MPPED1: variants seen among roughly 807,000 people sequenced by gnomAD.
MPPED1 encodes the protein metallophosphoesterase domain-containing protein 1.
A neutral mutation model predicts 36.2 loss-of-function variants in MPPED1; 16 were observed. The observed-to-expected ratio is 0.44, with a 90% CI of 0.30 to 0.67. MPPED1 has a LOEUF of 0.67. Ranked by LOEUF, MPPED1 falls within the 30% of genes least tolerant of loss-of-function variation. MPPED1 has a pLI of 0.10. For synonymous variants in MPPED1, 199 were observed against 191.3 expected (o/e 1.04, Z -0.33); for missense variants, 307 against 453.4 (o/e 0.68, Z 2.93).
chr22:43,476,098 G>T (rs1011996428), intron 4 of MPPED1, among the ~76,000 whole-genome samples: 60 of 151,542 alleles, frequency 4.0e-4, no homozygotes, highest in African/African-American at 1.4e-3. Context: ...GATGATGATG[G>T]TGATGGCAGG....
intron 4 of MPPED1, 88 bp from the exon 5 acceptor site, chr22:43,498,147 C>A (rs1932491831): frequency 3.9e-6 from 4 of 1,020,202 alleles, no homozygotes; most frequent in Admixed American, 2.3e-5. Flanking sequence ...GTCCTGAGGG[C>A]CCCCTGGCCC....
At chr22:43,503,787 C>T (rs773451653) in intron 6 of MPPED1, among the ~76,000 whole-genome samples, 1 of 152,196 alleles carries the variant, frequency 6.6e-6, no homozygotes, top group Non-Finnish European at 1.5e-5. Flanking sequence ...GGGCATGTAG[C>T]TCCATCAGAT....
At chr22:43,490,961 C>T (rs1367274107) in intron 4 of MPPED1, among the ~76,000 whole-genome samples, 1 of 151,486 alleles carries the variant, frequency 6.6e-6, no homozygotes, top group African/African-American at 2.4e-5. Flanking sequence ...GTCGGCTCTT[C>T]TCCACTAGGA....
chr22:43,495,867 A>T (rs1282303069), intron 4 of MPPED1, among the ~76,000 whole-genome samples: 1 of 10,380 alleles, frequency 9.6e-5, no homozygotes, highest in Non-Finnish European at 2.5e-4. Flanking sequence ...GTGGTGGTGG[A>T]GATGGTGGTG....
Position 43,425,141 on chromosome 22 carries a change from C to T in MPPED1, c.156C>T (p.Ser52=). The T allele has an allele frequency of 6.2e-7, 1 of 1,613,482 alleles. No individual in the cohort carries two copies. The highest frequency in any genetic ancestry group is 8.5e-7 in the Non-Finnish European group (1 of 1,179,636). ...RLIIEVDEYS[S]NPTQAFTFYN... is the part of the protein sequence containing the mutation. ...TCATCGAGGTGGACGAGTACAGCTC[C>T]AACCCCACCCAGGCCTTCACCTTCT... The change falls in exon 2 of 7, where the codon TCC becomes TCT. Residue 52 remains serine, a synonymous_variant. Coordinates refer to ENST00000443721, the MANE Select transcript of MPPED1 (RefSeq NM_001044370.2).
chr22:43,443,102 G>A (rs202139486), intron 3 of MPPED1, among the ~76,000 whole-genome samples: 1 of 152,192 alleles, frequency 6.6e-6, no homozygotes, highest in East Asian at 1.9e-4. Flanking sequence ...TCAATGCACA[G>A]GGTAGGCTGG....
At chr22:43,422,494 G>A (rs1176929554) in intron 1 of MPPED1, among the ~76,000 whole-genome samples, 1 of 152,144 alleles carries the variant, frequency 6.6e-6, no homozygotes, top group African/African-American at 2.4e-5. Flanking sequence ...TTATGGTCAA[G>A]GGATTTTATC....
chr22:43,494,714 T>TGGTGGAGGTAGTGGTGGTGGA, intron 4 of MPPED1, among the ~76,000 whole-genome samples: 1 of 150,338 alleles, frequency 6.7e-6, no homozygotes, highest in African/African-American at 2.4e-5. Context: ...GTGGTGGTGG[T>TGGTGGAGGTAGTGGTGGTGGA]GGTGGTGGTG....
chr22:43,429,365 C>G (rs1174099181), intron 2 of MPPED1, among the ~76,000 whole-genome samples: 3 of 152,218 alleles, frequency 2.0e-5, no homozygotes, highest in Non-Finnish European at 4.4e-5. Context: ...AGGACTCACA[C>G]CCCGGCACTG....
At chr22:43,432,290 GGA>G (rs1171772616) in intron 2 of MPPED1, among the ~76,000 whole-genome samples, 21 of 149,076 alleles carry the variant, frequency 1.4e-4, no homozygotes, top group African/African-American at 4.2e-4. Context: ...GAGAAAGGGA[GGA>G]GAGAGAGGGA....
chr22:43,440,006 G>A lies in MPPED1; in HGVS notation c.406+4791G>A, dbSNP rs1052555843. On this transcript the variant is annotated intron_variant, in intron 3 of 6. Coordinates refer to ENST00000443721, the MANE Select transcript of MPPED1 (RefSeq NM_001044370.2). ...GTGGCTCTCGCCTTGCGGCGGGGGC[G>A]TGTCTCCTACCTCCACTGTCAGCCC... 7.9e-5 allele frequency among the ~76,000 whole-genome samples: 12 copies of A among 152,218 alleles called. No individual in the cohort carries two copies. The South Asian group carries it at 1.2e-3, about 16-fold the overall frequency.
intron 2 of MPPED1, among the ~76,000 whole-genome samples, chr22:43,432,375 AAGGG>A (rs1440293810): frequency 8.1e-6 from 1 of 123,544 alleles, no homozygotes. Flanking sequence ...GGGAGAGAGA[AAGGG>A]AGGAGAGAGA....
At chr22:43,499,970 G>A (rs1160826525) in intron 5 of MPPED1, among the ~76,000 whole-genome samples, 1 of 120,232 alleles carries the variant, frequency 8.3e-6, no homozygotes. Context: ...AGGTGGTGAT[G>A]GGGGTGGTGG....
At chr22:43,488,466 G>A (rs1174735504) in intron 4 of MPPED1, among the ~76,000 whole-genome samples, 2 of 152,166 alleles carry the variant, frequency 1.3e-5, no homozygotes, top group Non-Finnish European at 2.9e-5. Flanking sequence ...TGGAATTCAC[G>A]CTTCAGCAGG....
In MPPED1 at chr22:43,450,370, C is replaced by T. The variant is rs146823443; in HGVS notation, c.406+15155C>T. On this transcript the variant is annotated intron_variant, in intron 3 of 6. Transcript: ENST00000443721. ...CAGTGTCTTCACCTAAAAAATGGGGCGACACACTTGCTTTGGAGGGCTGTT... is the reference window on the plus strand; with the variant it reads ...CAGTGTCTTCACCTAAAAAATGGGGTGACACACTTGCTTTGGAGGGCTGTT... 3.1e-3 allele frequency among the ~76,000 whole-genome samples: 476 copies of T among 152,300 alleles called. 3 individuals are homozygous for T. Among genetic ancestry groups the T allele is most frequent in the African/African-American group, 0.01 (430 of 41,572 alleles).
chr22:43,474,798 G>A lies in MPPED1; in HGVS notation c.469G>A (p.Glu157Lys). 1 of 1,614,084 alleles carries A rather than the reference G, an allele frequency of 6.2e-7. No individual in the cohort carries two copies. The highest frequency in any genetic ancestry group is 8.5e-7 in the Non-Finnish European group (1 of 1,179,912). ...AGNHELTFDQEFMADLIKQDF... is the reference protein window; with the variant it reads ...AGNHELTFDQKFMADLIKQDF... ...CAACCACGAGCTGACCTTTGACCAG[G>A]AGTTCATGGCCGACCTCATCAAGCA... The change falls in exon 4 of 7, where the codon GAG (glutamate) becomes AAG (lysine). Residue 157 changes from glutamate to lysine, a missense_variant. This residue lies in a region of MPPED1 where 6 missense variants were observed against 28.8 expected (regional missense o/e 0.21). Coordinates refer to ENST00000443721, the MANE Select transcript of MPPED1 (RefSeq NM_001044370.2). This position sits in a 1 kb window ranked among gnomAD's most constrained non-coding sequence, Gnocchi z 5.2.
chr22:43,502,838 C>A lies in MPPED1; in HGVS notation c.862+81C>A. 1 of 1,193,712 alleles carries A rather than the reference C, an allele frequency of 8.4e-7. No individual in the cohort carries two copies. The highest frequency in any genetic ancestry group is 1.8e-5 in the Admixed American group (1 of 55,784). The allele number at this position is 1,193,712 out of a possible 1,614,324, so 73.9% of individuals were successfully genotyped here. On this transcript the variant is annotated intron_variant, in intron 6 of 6. Coordinates refer to ENST00000443721, the MANE Select transcript of MPPED1 (RefSeq NM_001044370.2). The surrounding 1 kb of genome is among the most constrained non-coding windows in gnomAD (Gnocchi z 5.5). The stretch of plus-strand genomic sequence containing the variant: ...CCAGCAGGACCTCCCCTTCGTTCAG[C>A]CAGAAGGGAAATAAATAGCCCATTC...
intron 6 of MPPED1, among the ~76,000 whole-genome samples, chr22:43,503,225 T>G (rs895402533): frequency 3.9e-5 from 6 of 152,198 alleles, no homozygotes; most frequent in African/African-American, 1.4e-4. Context: ...GTGAGGGTGA[T>G]GTCAGCTCCG....
At chr22:43,434,803 C>G (rs532647857) in intron 2 of MPPED1, among the ~76,000 whole-genome samples, 1 of 152,238 alleles carries the variant, frequency 6.6e-6, no homozygotes, top group Admixed American at 6.5e-5. Context: ...ATGTTACAGA[C>G]AGGGAAACTG....
Sources: allele counts gnomAD v4.1 joint callset (sites outside exome capture counted in the v4.1 genomes callset), GRCh38; gene constraint gnomAD v4.1.1; regional missense constraint gnomAD v4.1.1; non-coding constraint Gnocchi (gnomAD v3.1); transcripts MANE v1.5; gene names NCBI Gene and HGNC (gene_info 2026-07-23, HGNC 2026-07-21).